Variants in SEL1L3 observed in about 807,000 individuals in gnomAD.
SEL1L3 encodes the protein SEL1L family member 3.
In SEL1L3, 76 loss-of-function variants were observed where a neutral mutation model predicts 142.8. The ratio of observed to expected loss-of-function variants is 0.53; its 90% CI spans 0.44 to 0.64. The LOEUF is 0.64. Among genes scored for constraint, SEL1L3 ranks in the 30% least tolerant of loss-of-function variants. The probability of loss-of-function intolerance (pLI) is 0.00; values close to 1 mark genes in which losing one functional copy is unlikely to be tolerated. For missense variants in SEL1L3, 1,262 were observed against 1,381.7 expected, an observed-to-expected ratio of 0.91 and a Z score of 1.37; for synonymous variants, 504 against 519.6, an observed-to-expected ratio of 0.97 and a Z score of 0.41.
At chr4:25,795,518 G>A (rs1383152399) in intron 11 of SEL1L3, among the ~76,000 whole-genome samples, 1 of 152,202 alleles carries the variant, frequency 6.6e-6, no homozygotes, top group Non-Finnish European at 1.5e-5. Flanking sequence ...GTGCTTGGCT[G>A]TACTGGATTG....
Position 25,833,093 on chromosome 4 carries a change from T to C in SEL1L3, c.1000A>G (p.Met334Val), listed in dbSNP as rs1192056296. 6.2e-7 allele frequency: 1 copy of C among 1,602,026 alleles called. No homozygotes were observed. Among genetic ancestry groups the C allele is most frequent in the Non-Finnish European group, 8.6e-7 (1 of 1,169,220 alleles). Residue 334 changes from methionine (M) to valine (V), a missense_variant, in exon 5 of 24, where the codon ATG (methionine) becomes GTG (valine). This residue lies in a region of SEL1L3 where 689 missense variants were observed against 692.8 expected (regional missense o/e 0.99). Coordinates refer to ENST00000399878, the MANE Select transcript of SEL1L3 (RefSeq NM_015187.5). ...AGGTCTTCCCCTTTGACAAGATGCA[T>C]CTGAATATGCAAATAGCCTAAAAGG... ...LTEEGYLHIQ[M>V]HLVKGEDLAV...
At chr4:25,810,065 C>A (rs545989928) in intron 9 of SEL1L3, among the ~76,000 whole-genome samples, 1 of 152,216 alleles carries the variant, frequency 6.6e-6, no homozygotes, top group Non-Finnish European at 1.5e-5. Context: ...CTGAAAGGGG[C>A]GCAGATGGTG....
chr4:25,828,703 AT>A (rs146662212), intron 6 of SEL1L3, among the ~76,000 whole-genome samples: 1 of 151,528 alleles, frequency 6.6e-6, no homozygotes, highest in Non-Finnish European at 1.5e-5. Flanking sequence ...GAGTTTATTT[AT>A]TTTTTTTAAG....
At chr4:25,745,568 G>C (rs1717236473), downstream of SEL1L3, among the ~76,000 whole-genome samples, 1 of 152,206 alleles carries the variant, frequency 6.6e-6, no homozygotes, top group South Asian at 2.1e-4. Context: ...CAAGGTGAAG[G>C]GAGTGTGATT....
rs115050537 is a variant in SEL1L3 at position 25,793,240 on chromosome 4, T to C, written c.1957-2666A>G. On this transcript the variant is annotated intron_variant, in intron 11 of 23. Coordinates refer to ENST00000399878, the MANE Select transcript of SEL1L3 (RefSeq NM_015187.5). ...GCCTTACCATCGTGAGAAGTACTCATGTATCTGGGTGGTGACGTAAATGGT... is the reference window on the plus strand; with the variant it reads ...GCCTTACCATCGTGAGAAGTACTCACGTATCTGGGTGGTGACGTAAATGGT... 1.3e-3 allele frequency among the ~76,000 whole-genome samples: 204 copies of C among 152,314 alleles called. 1 individual carries two copies. The highest frequency in any genetic ancestry group is 4.6e-3 in the African/African-American group (190 of 41,574).
In SEL1L3 at chr4:25,788,063, ACT is replaced by A. The variant is rs1326251873; in HGVS notation, c.2217+159_2217+160del. Among the ~76,000 whole-genome samples, 1 of 152,170 alleles carries A rather than the reference ACT, an allele frequency of 6.6e-6. No homozygotes were observed. Among genetic ancestry groups the A allele is most frequent in the Non-Finnish European group, 1.5e-5 (1 of 68,038 alleles). On this transcript the variant is annotated intron_variant, in intron 13 of 23. Coordinates refer to ENST00000399878, the MANE Select transcript of SEL1L3 (RefSeq NM_015187.5). The surrounding 1 kb of genome is among the most constrained non-coding windows in gnomAD (Gnocchi z 5.3). ...AAATGAGAACAGGGAACTGCTTCTG[ACT>A]CTGCCTTTTTAGCCAACATTCTTTT... is the stretch of plus-strand genomic sequence containing the variant.
the SEL1L3 span, among the ~76,000 whole-genome samples, chr4:25,736,257 CTT>C: frequency 3.1e-5 from 2 of 64,208 alleles, no homozygotes; most frequent in East Asian, 1.1e-3. Flanking sequence ...GAGTTTTGCT[CTT>C]GTTGCTCAGG....
chr4:25,779,527 G>A (rs1719859435), intron 15 of SEL1L3, among the ~76,000 whole-genome samples: 1 of 152,150 alleles, frequency 6.6e-6, no homozygotes, highest in Non-Finnish European at 1.5e-5. Context: ...AGTCAAACCA[G>A]GTGAAAATCC....
intron 5 of SEL1L3, among the ~76,000 whole-genome samples, chr4:25,830,531 T>C (rs999849290): frequency 6.6e-6 from 1 of 152,174 alleles, no homozygotes; most frequent in Non-Finnish European, 1.5e-5. Flanking sequence ...ATCAGAGCCT[T>C]AGGGGGAAAA....
At chr4:25,841,814 G>T (rs1208766587) in intron 2 of SEL1L3, among the ~76,000 whole-genome samples, 1 of 152,124 alleles carries the variant, frequency 6.6e-6, no homozygotes. Context: ...ACAAAAATTA[G>T]CTGGGTGTGG....
At chr4:25,718,439 C>T in the SEL1L3 span, 2 of 152,134 alleles carry the variant, frequency 1.3e-5, no homozygotes, top group Non-Finnish European at 2.9e-5. Context: ...CATCTATGGA[C>T]TCGCTCATAG....
downstream of SEL1L3, among the ~76,000 whole-genome samples, chr4:25,746,156 T>C (rs191361898): frequency 3.3e-5 from 5 of 152,174 alleles, no homozygotes; most frequent in African/African-American, 1.2e-4. Flanking sequence ...GTCCTCATGA[T>C]AGTGAGCTCC....
the SEL1L3 span, among the ~76,000 whole-genome samples, chr4:25,729,999 G>A: frequency 6.6e-6 from 1 of 151,626 alleles, no homozygotes; most frequent in Non-Finnish European, 1.5e-5. Context: ...TGCCCAGGCT[G>A]GAATGCTGGA....
At chr4:25,726,076 T>C in the SEL1L3 span, among the ~76,000 whole-genome samples, 2,719 of 152,184 alleles carry the variant, frequency 0.018, 83 homozygotes, top group African/African-American at 0.06. Context: ...CTATTCAAGA[T>C]GGAGTCCCCC....
At chr4:25,863,445 G>T (rs1221880006), upstream of SEL1L3, 1 of 700,406 alleles carries the variant, frequency 1.4e-6, no homozygotes, top group African/African-American at 1.8e-5. Context: ...CCTTTTGCGG[G>T]TCGCACAGAC....
chr4:25,724,502 G>A, the SEL1L3 span, among the ~76,000 whole-genome samples: 2 of 151,976 alleles, frequency 1.3e-5, no homozygotes, highest in Non-Finnish European at 2.9e-5. Context: ...AGCACTTTGG[G>A]AGGCCGAGGC....
At chr4:25,812,265 C>T (rs899404188) in intron 9 of SEL1L3, among the ~76,000 whole-genome samples, 17 of 152,214 alleles carry the variant, frequency 1.1e-4, no homozygotes, top group Non-Finnish European at 2.5e-4. Context: ...CTGTTATGTT[C>T]CCACTCAGAT....
At chr4:25,815,886 A>G (rs964186070) in intron 9 of SEL1L3, among the ~76,000 whole-genome samples, 1 of 150,796 alleles carries the variant, frequency 6.6e-6, no homozygotes, top group African/African-American at 2.4e-5. Context: ...TGCTTTTGGT[A>G]TCTAGTTGTG....
rs149716456 is a variant in SEL1L3, at chr4:25,764,087, C to T, written c.2955+1239G>A. Among the ~76,000 whole-genome samples, 914 of 152,272 alleles carry T rather than the reference C, an allele frequency of 6.0e-3. 14 individuals are homozygous for T. Among genetic ancestry groups the T allele is most frequent in the African/African-American group, 0.02 (834 of 41,564 alleles). On this transcript the variant is annotated intron_variant, in intron 20 of 23. Coordinates refer to ENST00000399878, the MANE Select transcript of SEL1L3 (RefSeq NM_015187.5). ...ATCGTTAGAACAGCATGGTAATAATCGTAATAGGCAAAATTCTTGCCCAAA... is the reference window on the plus strand; with the variant it reads ...ATCGTTAGAACAGCATGGTAATAATTGTAATAGGCAAAATTCTTGCCCAAA...
Sources: gnomAD v4.1 joint callset for allele counts (sites outside exome capture counted in the v4.1 genomes callset) on GRCh38, gnomAD v4.1.1 for gene constraint, gnomAD v4.1.1 regional missense constraint, Gnocchi (gnomAD v3.1) non-coding constraint, MANE v1.5 for transcripts, NCBI Gene and HGNC (gene_info 2026-07-23, HGNC 2026-07-21) for gene names.